CSMD1: variants seen among roughly 807,000 people sequenced by gnomAD.
CSMD1 encodes the protein CUB and Sushi multiple domains 1.
CSMD1 carries 213 observed loss-of-function variants against 417.5 expected under a neutral mutation model. The ratio of observed to expected loss-of-function variants is 0.51; its 90% CI spans 0.46 to 0.57. The LOEUF is 0.57. CSMD1 is among the 20% of genes least tolerant of loss of function. The pLI is 0.00. For missense variants in CSMD1, 6,923 were observed against 4,529.7 expected (o/e 1.53, Z -15.17); for synonymous variants, 2,862 against 1,736.8 (o/e 1.65, Z -16.11).
At chr8:4,860,573 A>C (rs1585225627) in intron 1 of CSMD1, among the ~76,000 whole-genome samples, 1 of 152,100 alleles carries the variant, frequency 6.6e-6, no homozygotes, top group African/African-American at 2.4e-5. Context: ...TACAGCCTGC[A>C]GAATCATGAG....
rs112440221 is a variant in CSMD1, at chr8:4,343,956, T to C, written c.415+75997A>G. On this transcript the variant is annotated intron_variant, in intron 3 of 69. Transcript: ENST00000635120. Reference sequence around the variant, plus strand: ...GTTTTAAAAATTATAATAAGTATTTTCATATATACAATAAATTCTAGTAAA... The same window carrying C: ...GTTTTAAAAATTATAATAAGTATTTCCATATATACAATAAATTCTAGTAAA... Among the ~76,000 whole-genome samples the C allele has an allele frequency of 4.3e-3, 661 of 152,292 alleles. 5 individuals are homozygous for C. The highest frequency in any genetic ancestry group is 0.015 in the African/African-American group (624 of 41,576).
chr8:3,379,478 T>G (rs192763173), intron 18 of CSMD1, among the ~76,000 whole-genome samples: 1 of 152,116 alleles, frequency 6.6e-6, no homozygotes, highest in African/African-American at 2.4e-5. Flanking sequence ...GGAGGCATCG[T>G]GCTACCTGAC....
At chr8:4,295,740 A>ATGTGTG (rs36133370) in intron 3 of CSMD1, among the ~76,000 whole-genome samples, 34 of 33,010 alleles carry the variant, frequency 1.0e-3, no homozygotes, top group African/African-American at 4.8e-3. Context: ...GTGTGTGTAT[A>ATGTGTG]TGTGTGTGTG....
At chr8:3,928,866 G>C (rs1311126359) in intron 5 of CSMD1, among the ~76,000 whole-genome samples, 2 of 132,736 alleles carry the variant, frequency 1.5e-5, no homozygotes, top group African/African-American at 2.8e-5. Flanking sequence ...TAGGAGAAAT[G>C]TCATGGAGCT....
intron 10 of CSMD1, chr8:3,515,247 T>G (rs1458906816): frequency 6.6e-6 from 1 of 152,224 alleles, no homozygotes; most frequent in East Asian, 1.9e-4. Flanking sequence ...GTCCTTAATA[T>G]AAATAACAGC....
intron 2 of CSMD1, among the ~76,000 whole-genome samples, chr8:4,425,426 C>A (rs976844131): frequency 6.7e-6 from 1 of 150,238 alleles, no homozygotes. Context: ...GACAGGGATG[C>A]GGAAGGATGA....
chr8:4,074,931 G>C (rs557557390), intron 3 of CSMD1, among the ~76,000 whole-genome samples: 6 of 152,106 alleles, frequency 3.9e-5, no homozygotes, highest in Admixed American at 2.6e-4. Context: ...ACCACACTTT[G>C]AATTTATTTA....
chr8:4,618,564 T>C lies in CSMD1; in HGVS notation c.302+18778A>G, dbSNP rs141105198. ...TTCTTGATTCTTCTTATCGCCTACA[T>C]AGCCTTCTCCTGGATCCAACAAATG... On this transcript the variant is annotated intron_variant, in intron 2 of 69. Coordinates refer to ENST00000635120, the MANE Select transcript of CSMD1 (RefSeq NM_033225.6). 1.1e-3 allele frequency among the ~76,000 whole-genome samples: 161 copies of C among 152,252 alleles called. 1 individual carries two copies. In the East Asian group the frequency reaches 0.029, roughly 28 times the overall value.
chr8:3,882,667 T>C (rs1425497063), intron 5 of CSMD1, among the ~76,000 whole-genome samples: 1 of 152,168 alleles, frequency 6.6e-6, no homozygotes, highest in Non-Finnish European at 1.5e-5. Context: ...TTGTGGTATG[T>C]TCACAAAACA....
chr8:4,404,229 T>C (rs1194803891), intron 3 of CSMD1, among the ~76,000 whole-genome samples: 1 of 152,184 alleles, frequency 6.6e-6, no homozygotes, highest in Non-Finnish European at 1.5e-5. Context: ...TACTATTTTA[T>C]ATTATCTGTC....
chr8:2,998,110 C>A lies in CSMD1; in HGVS notation c.8278G>T (p.Val2760Leu). Residue 2760 changes from valine to leucine, a missense_variant, in exon 54 of 70, where the codon GTG becomes TTG. Physicochemically the swap from Val to Leu is conservative, Grantham distance 32. Transcript: ENST00000635120. ...TAGCCCGTGTTGCAGGTGAAATTCA[C>A]GACATCATTCAGGTTGAACTCACTG... ...NGSEFNLNDV[V>L]NFTCNTGYLL... The A allele has an allele frequency of 6.2e-7, 1 of 1,613,992 alleles. No homozygotes were observed. Among genetic ancestry groups the A allele is most frequent in the South Asian group, 1.1e-5 (1 of 91,080 alleles).
intron 5 of CSMD1, among the ~76,000 whole-genome samples, chr8:3,910,156 G>A (rs900598171): frequency 1.2e-4 from 18 of 152,174 alleles, no homozygotes; most frequent in Non-Finnish European, 2.2e-4. Flanking sequence ...AACTTATGTC[G>A]GACACATGTT....
At chr8:4,349,915 G>C (rs961952979) in intron 3 of CSMD1, among the ~76,000 whole-genome samples, 4 of 149,944 alleles carry the variant, frequency 2.7e-5, no homozygotes, top group African/African-American at 9.9e-5. Flanking sequence ...CAAAAAGGTT[G>C]TGCTATGACC....
chr8:3,458,313 A>C (rs542711900), intron 12 of CSMD1, among the ~76,000 whole-genome samples: 3 of 152,310 alleles, frequency 2.0e-5, no homozygotes, highest in South Asian at 4.1e-4. Context: ...TGATATATTT[A>C]AATATTTAAT....
At chr8:4,479,951 G>A (rs1305559928) in intron 2 of CSMD1, among the ~76,000 whole-genome samples, 4 of 147,290 alleles carry the variant, frequency 2.7e-5, no homozygotes, top group African/African-American at 5.1e-5. Context: ...GGGTGACACA[G>A]CAAGTCTCTG....
At chr8:3,509,688 A>G (rs12114480) in intron 10 of CSMD1, among the ~76,000 whole-genome samples, 17,358 of 152,238 alleles carry the variant, frequency 0.11, 1,094 homozygotes, top group African/African-American at 0.17. Flanking sequence ...ATGCTTAATC[A>G]TCTTCAACTG....
intron 22 of CSMD1, among the ~76,000 whole-genome samples, chr8:3,344,556 C>G (rs1336756222): frequency 1.3e-5 from 2 of 152,200 alleles, no homozygotes; most frequent in East Asian, 3.9e-4. Context: ...GCCTCCCTCA[C>G]TAGCAGGGGG....
intron 1 of CSMD1, among the ~76,000 whole-genome samples, chr8:4,673,418 C>A (rs1805473340): frequency 6.6e-6 from 1 of 152,096 alleles, no homozygotes. Flanking sequence ...TCCTCCTTTC[C>A]AACCTAGGGC....
intron 5 of CSMD1, among the ~76,000 whole-genome samples, chr8:3,857,726 C>A (rs534619880): frequency 1.4e-3 from 207 of 152,220 alleles, no homozygotes; most frequent in Admixed American, 0.013. Context: ...GATCCATTTA[C>A]AAAGACAGTT....
Sources: allele counts gnomAD v4.1 joint callset (sites outside exome capture counted in the v4.1 genomes callset), GRCh38; gene constraint gnomAD v4.1.1; transcripts MANE v1.5; gene names NCBI Gene and HGNC (gene_info 2026-07-23, HGNC 2026-07-21).